The following MYO5C variants were observed in gnomAD, a reference collection of about 807,000 sequenced individuals.
MYO5C encodes unconventional myosin-Vc.
Under a neutral mutation model 235.7 loss-of-function variants are expected in MYO5C, and 194 were observed. That is an observed-to-expected ratio of 0.82 (90% CI 0.73 to 0.93). The LOEUF is 0.93. Ranked by LOEUF, MYO5C falls within the 40% of genes least tolerant of loss-of-function variation. MYO5C has a pLI of 0.00. For missense variants in MYO5C, 2,038 were observed against 2,127.2 expected (o/e 0.96, Z 0.82); for synonymous variants, 707 against 754.8 (o/e 0.94, Z 1.04).
At chr15:52,253,269 T>C (rs553520571) in intron 12 of MYO5C, 48 bp downstream of exon 12, 2 of 1,567,972 alleles carry the variant, frequency 1.3e-6, no homozygotes, top group South Asian at 1.1e-5. Flanking sequence ...AAAATGCTCA[T>C]CTGTTACTAC....
chr15:52,272,638 T>G lies in MYO5C; in HGVS notation c.692A>C (p.Gln231Pro). The change falls in exon 6 of 41, where the codon CAA (glutamine) becomes CCA (proline). Residue 231 changes from glutamine (Q) to proline (P), a missense_variant. Gln to Pro is a moderately conservative substitution (Grantham distance 76). Transcript: ENST00000261839. Reference protein sequence around the residue: ...YTEISFDEQNQIIGANMSTYL... With the variant: ...YTEISFDEQNPIIGANMSTYL... ...AGTGCTCATGTTGGCTCCTATAATT[T>G]GATTTTGTTCATCAAAACTGATTTC... The G allele has an allele frequency of 6.2e-7, 1 of 1,614,222 alleles. No homozygotes were observed. The highest frequency in any genetic ancestry group is 8.5e-7 in the Non-Finnish European group (1 of 1,180,030).
intron 14 of MYO5C, 100 bp downstream of exon 14, chr15:52,248,600 A>T: frequency 1.2e-6 from 1 of 843,406 alleles, no homozygotes; most frequent in South Asian, 1.6e-5. Context: ...ACACACACAC[A>T]CACACACTCT....
Position 52,247,516 on chromosome 15 carries a change from G to A in MYO5C, c.1823C>T (p.Ser608Phe), listed in dbSNP as rs2036376094. The change falls in exon 15 of 41, where the codon TCT becomes TTT. Residue 608 changes from serine to phenylalanine, a missense_variant. By Grantham distance (155) the Ser-to-Phe change is radical. Transcript: ENST00000261839. Reference protein sequence around the residue: ...SPFGSMITVKSAKQVIKPNSK... With the variant: ...SPFGSMITVKFAKQVIKPNSK... ...GTTTGGCTTGATGACTTGCTTTGCA[G>A]ATTTAACTGTAATCATTGAACCAAA... 1 of 1,614,172 alleles carries A rather than the reference G, an allele frequency of 6.2e-7. No individual in the cohort carries two copies. The highest frequency in any genetic ancestry group is 8.5e-7 in the Non-Finnish European group (1 of 1,180,012).
chr15:52,248,103 A>C (rs944508417), intron 14 of MYO5C, among the ~76,000 whole-genome samples: 5 of 152,072 alleles, frequency 3.3e-5, no homozygotes, highest in Non-Finnish European at 7.4e-5. Context: ...TATTTCTTTA[A>C]ATGTCTTATC....
chr15:52,271,820 TGTG>T lies in MYO5C; in HGVS notation c.772_774del (p.His258del), dbSNP rs1336570272. On this transcript the variant is annotated inframe_deletion, in exon 7 of 41. Transcript: ENST00000261839. Reference sequence around the variant, plus strand: ...GCAGATGCACAAAGCTGATAGAAAATGTGGTAATTTCGTTCATTTTCCGACTGT... The same window carrying T: ...GCAGATGCACAAAGCTGATAGAAAATGTAATTTCGTTCATTTTCCGACTGT... 6.3e-7 allele frequency: 1 copy of T among 1,585,710 alleles called. No homozygotes were observed. Among genetic ancestry groups the T allele is most frequent in the Non-Finnish European group, 8.6e-7 (1 of 1,160,184 alleles).
chr15:52,260,770 A>C (rs1162783327), intron 10 of MYO5C, 92 bp downstream of exon 10: 1 of 1,384,404 alleles, frequency 7.2e-7, no homozygotes, highest in Non-Finnish European at 9.9e-7. Context: ...TAATCATGTG[A>C]AATACAAAAG....
At chr15:52,195,680 G>A (rs554493857) in intron 39 of MYO5C, among the ~76,000 whole-genome samples, 1 of 152,102 alleles carries the variant, frequency 6.6e-6, no homozygotes, top group African/African-American at 2.4e-5. Flanking sequence ...ACAGTAAGAG[G>A]AGCCCCCTTC....
chr15:52,277,835 G>T (rs751504728), intron 4 of MYO5C: 1 of 455,122 alleles, frequency 2.2e-6, no homozygotes, highest in African/African-American at 2.0e-5. Context: ...AAAGCAGCAC[G>T]TGTTCTACCT....
intron 1 of MYO5C, among the ~76,000 whole-genome samples, chr15:52,284,037 T>C (rs1284866175): frequency 4.6e-5 from 7 of 152,168 alleles, no homozygotes; most frequent in Non-Finnish European, 8.8e-5. Flanking sequence ...TTCTACAATA[T>C]GCATCTATTA....
intron 24 of MYO5C, among the ~76,000 whole-genome samples, chr15:52,232,110 AAAAG>A (rs568998367): frequency 4.1e-4 from 62 of 149,578 alleles, no homozygotes; most frequent in Non-Finnish European, 6.5e-4. Context: ...AAAAAAAAAG[AAAAG>A]AAAGAAAGAG....
intron 1 of MYO5C, among the ~76,000 whole-genome samples, chr15:52,289,030 G>A (rs1461548415): frequency 1.3e-5 from 2 of 152,210 alleles, no homozygotes; most frequent in African/African-American, 4.8e-5. Flanking sequence ...GATGGGACAA[G>A]ATGGGACGAC....
chr15:52,217,938 T>C (rs1798252448), intron 32 of MYO5C, among the ~76,000 whole-genome samples: 1 of 152,196 alleles, frequency 6.6e-6, no homozygotes, highest in Non-Finnish European at 1.5e-5. Flanking sequence ...CTTCTCAGTC[T>C]TCTGGGTTCC....
At chr15:52,199,302 A>C (rs1029273530) in intron 38 of MYO5C, among the ~76,000 whole-genome samples, 4 of 152,192 alleles carry the variant, frequency 2.6e-5, no homozygotes, top group African/African-American at 4.8e-5. Flanking sequence ...AATTTTGAGC[A>C]CATTAATTCT....
At chr15:52,240,262 T>C (rs958380822) in intron 20 of MYO5C, among the ~76,000 whole-genome samples, 2 of 152,114 alleles carry the variant, frequency 1.3e-5, no homozygotes, top group African/African-American at 4.8e-5. Flanking sequence ...ATACTTGTCA[T>C]ATTCAACATC....
chr15:52,253,447 T>C lies in MYO5C; in HGVS notation c.1406A>G (p.Lys469Arg), dbSNP rs78451265. 4.7e-5 allele frequency: 76 copies of C among 1,611,836 alleles called. No individual in the cohort carries two copies. In the Admixed American group the frequency reaches 1.2e-3, roughly 26 times the overall value. The change falls in exon 12 of 41, where the codon AAA (lysine) becomes AGA (arginine). Residue 469 changes from lysine to arginine, a missense_variant. Lys to Arg is a conservative substitution (Grantham distance 26). Coordinates refer to ENST00000261839, the MANE Select transcript of MYO5C (RefSeq NM_018728.4). ...CTTCATGTATTCTTCTTGTTCCAGT[T>C]TGAAGACATGCTGGGAATCCAAAGT... ...LQQQFNMHVF[K>R]LEQEEYMKED... is the part of the protein sequence containing the mutation.
At chr15:52,203,476 G>C (rs374431166) in intron 38 of MYO5C, among the ~76,000 whole-genome samples, 3 of 152,140 alleles carry the variant, frequency 2.0e-5, no homozygotes, top group East Asian at 3.9e-4. Flanking sequence ...CTCCCGAGTA[G>C]CTGGGATTAC....
At chr15:52,243,470 C>A (rs571701220) in intron 19 of MYO5C, 1 of 152,498 alleles carries the variant, frequency 6.6e-6, no homozygotes, top group South Asian at 2.1e-4. Context: ...CAACTGGGCA[C>A]AGAAGCACAG....
At chr15:52,230,241 CAG>C (rs892290363) in intron 24 of MYO5C, among the ~76,000 whole-genome samples, 1 of 152,230 alleles carries the variant, frequency 6.6e-6, no homozygotes, top group Non-Finnish European at 1.5e-5. Context: ...ACACAGCCCA[CAG>C]GGGCCCTTGA....
chr15:52,207,784 T>C (rs1423740862), intron 36 of MYO5C, among the ~76,000 whole-genome samples: 1 of 151,960 alleles, frequency 6.6e-6, no homozygotes. Context: ...TACAAATCAG[T>C]AACAAAAAAA....
Sources: gnomAD v4.1 joint callset for allele counts (sites outside exome capture counted in the v4.1 genomes callset) on GRCh38, gnomAD v4.1.1 for gene constraint, MANE v1.5 for transcripts, NCBI Gene and HGNC (gene_info 2026-07-23, HGNC 2026-07-21) for gene names.